The following SH2B2 variants were observed in gnomAD, a reference collection of about 807,000 sequenced individuals.
SH2B2 encodes the protein SH2B adapter protein 2.
Under a neutral mutation model 35.7 loss-of-function variants are expected in SH2B2, and 37 were observed. The observed-to-expected ratio is 1.04, with a 90% CI of 0.80 to 1.36. The LOEUF (loss-of-function observed/expected upper bound fraction) is 1.36. Ranked by LOEUF, SH2B2 falls within the 40% of genes most tolerant of loss-of-function variation. The pLI, the probability that SH2B2 is intolerant of heterozygous loss-of-function variation, is 0.00. For missense variants in SH2B2, 852 were observed against 817.7 expected, an observed-to-expected ratio of 1.04 and a Z score of -0.51; for synonymous variants, 383 against 376.4, an observed-to-expected ratio of 1.02 and a Z score of -0.20.
intron 4 of SH2B2, among the ~76,000 whole-genome samples, chr7:102,313,130 TAAA>T (rs1206179173): frequency 9.5e-5 from 9 of 94,886 alleles, no homozygotes; most frequent in Admixed American, 1.2e-4. Context: ...AAACTCTGTC[TAAA>T]AAAAAAAAAA....
At chr7:102,285,901 C>T (rs1554550775), upstream of SH2B2, among the ~76,000 whole-genome samples, 1 of 152,204 alleles carries the variant, frequency 6.6e-6, no homozygotes. Flanking sequence ...CTGCCCCCAC[C>T]GAAGCCCTCC....
At position 102,321,358 on chromosome 7, in the gene SH2B2, G is replaced by C. The variant is rs1159119292; in HGVS notation, c.1627G>C (p.Gly543Arg). Residue 543 changes from glycine to arginine, a missense_variant, in exon 9 of 9, where the codon GGC (glycine) becomes CGC (arginine). Physicochemically the swap from Gly to Arg is moderately radical, Grantham distance 125 (BLOSUM62 -2). Coordinates refer to ENST00000444095, the MANE Select transcript of SH2B2 (RefSeq NM_001359228.2). ...CCCGGCCTGCTGGAGCGACTCGCCCGGCCAGCACTACTTCTCCAGCCTCGC... is the reference window on the plus strand; with the variant it reads ...CCCGGCCTGCTGGAGCGACTCGCCCCGCCAGCACTACTTCTCCAGCCTCGC... ...ASPACWSDSP[G>R]QHYFSSLAAA... 2 of 1,437,656 alleles carry C rather than the reference G, an allele frequency of 1.4e-6. No individual in the cohort carries two copies. Among genetic ancestry groups the C allele is most frequent in the Non-Finnish European group, 1.8e-6 (2 of 1,100,560 alleles). The allele number at this position is 1,437,656 out of a possible 1,614,324, so 89.1% of individuals were successfully genotyped here. A position where few individuals can be genotyped will look rare whatever the true frequency, so the allele number is the denominator to read the frequency against.
intron 2 of SH2B2, among the ~76,000 whole-genome samples, chr7:102,305,710 G>T (rs536748516): frequency 6.6e-6 from 1 of 152,244 alleles, no homozygotes; most frequent in East Asian, 1.9e-4. Flanking sequence ...AGTGTTAAAT[G>T]TATTTCTCAC....
chr7:102,321,528 C>T lies in SH2B2; in HGVS notation c.1797C>T (p.Ala599=), dbSNP rs1284682597. The T allele has an allele frequency of 4.4e-6, 5 of 1,144,554 alleles. No homozygotes were observed. In the East Asian group the frequency reaches 1.8e-4, roughly 40 times the overall value. The allele number at this position is 1,144,554 out of a possible 1,614,324, so 70.9% of individuals were successfully genotyped here. The change falls in exon 9 of 9, where the codon GCC becomes GCT. Residue 599 remains alanine (A), a synonymous_variant. Transcript: ENST00000444095. Reference sequence around the variant, plus strand: ...GCGCGCGGAGCCGCAGCAACAGCGCCGAGCGCCTGCTGGAGGCCGTGGCCG... The same window carrying T: ...GCGCGCGGAGCCGCAGCAACAGCGCTGAGCGCCTGCTGGAGGCCGTGGCCG... The part of the protein sequence containing the change: ...QLSARSRSNS[A]ERLLEAVAAT...
intron 2 of SH2B2, among the ~76,000 whole-genome samples, chr7:102,305,257 A>T (rs1326416539): frequency 1.5e-5 from 2 of 134,904 alleles, no homozygotes; most frequent in African/African-American, 3.9e-5. Flanking sequence ...TTATTTTTTT[A>T]TTTTATTTTA....
chr7:102,321,324 G>A lies in SH2B2; in HGVS notation c.1593G>A (p.Ala531=). The change falls in exon 9 of 9, where the codon GCG becomes GCA. Residue 531 remains alanine, a synonymous_variant. Coordinates refer to ENST00000444095, the MANE Select transcript of SH2B2 (RefSeq NM_001359228.2). Reference sequence around the variant, plus strand: ...AGCCGGGCCCCACGCCCCCTGCCGCGCCCGCGTCCCCGGCCTGCTGGAGCG... The same window carrying A: ...AGCCGGGCCCCACGCCCCCTGCCGCACCCGCGTCCCCGGCCTGCTGGAGCG... ...PPEPGPTPPA[A]PASPACWSDS... 1 of 1,429,396 alleles carries A rather than the reference G, an allele frequency of 7.0e-7. No homozygotes were observed. Among genetic ancestry groups the A allele is most frequent in the Non-Finnish European group, 9.1e-7 (1 of 1,097,414 alleles). The allele number at this position is 1,429,396 out of a possible 1,614,324, so 88.5% of individuals were successfully genotyped here. A position where few individuals can be genotyped will look rare whatever the true frequency, so the allele number is the denominator to read the frequency against.
At chr7:102,308,769 C>T in intron 3 of SH2B2, 46 bp from the exon 4 acceptor site, 1 of 1,404,806 alleles carries the variant, frequency 7.1e-7, no homozygotes. Context: ...GGTCTGGAGC[C>T]CATCTGCTGA....
Position 102,321,477 on chromosome 7 carries a change from C to A in SH2B2, c.1746C>A (p.Pro582=), listed in dbSNP as rs868939422. ...CCTCTGCCGCGTCGGGGCCCGCCCC[C>A]CCGCGCCCCGTCGAGGGCCAGCTCA... ...SSSSAASGPA[P]PRPVEGQLSA... is the part of the protein sequence containing the mutation. Residue 582 remains proline, a synonymous_variant, in exon 9 of 9, where the codon CCC becomes CCA. Transcript: ENST00000444095. 2.0e-5 allele frequency: 24 copies of A among 1,186,590 alleles called. No homozygotes were observed. The highest frequency in any genetic ancestry group is 2.5e-5 in the Non-Finnish European group (24 of 956,912). 73.5% of individuals were successfully genotyped at this position (1,186,590 alleles called of 1,614,324 possible).
In SH2B2 at chr7:102,317,189, G is replaced by T; in HGVS notation, c.1189G>T (p.Glu397Ter). 3 of 1,594,964 alleles carry T rather than the reference G, an allele frequency of 1.9e-6. No individual in the cohort carries two copies. Among genetic ancestry groups the T allele is most frequent in the Non-Finnish European group, 2.6e-6 (3 of 1,169,882 alleles). Residue 397 changes from glutamate (E) to a stop codon, truncating the protein, a stop_gained and splice_region_variant, in exon 7 of 9, where the codon GAA becomes TAA. Coordinates refer to ENST00000444095, the MANE Select transcript of SH2B2 (RefSeq NM_001359228.2). LOFTEE classifies it high-confidence loss of function. The part of the protein sequence containing the change: ...GSGSDSNNTG[E>*]QGAETDPEAE... ...TCACACTGTCATCCCCACCTCAGGG[G>T]AACAGGGTGCAGAGACGGATCCCGA...
At chr7:102,286,830 G>GC (rs1358566747), upstream of SH2B2, 117,799 of 119,020 alleles carry the variant, frequency 0.99, 58,301 homozygotes, top group Non-Finnish European at 0.99. Context: ...CGGGGGCGGG[G>GC]CGGGGCCGGG....
At chr7:102,290,090 C>A (rs803094) in intron 1 of SH2B2, among the ~76,000 whole-genome samples, 13 of 150,142 alleles carry the variant, frequency 8.7e-5, no homozygotes, top group African/African-American at 2.0e-4. Context: ...CCCGCCCCCC[C>A]ACCCAGCCGC....
intron 4 of SH2B2, chr7:102,309,108 G>A (rs782707056): frequency 1.2e-5 from 8 of 674,456 alleles, no homozygotes; most frequent in Non-Finnish European, 2.2e-5. Flanking sequence ...TGTGAGGCCT[G>A]CTCTATGGGG....
At chr7:102,292,234 C>CA (rs1322505283) in intron 1 of SH2B2, among the ~76,000 whole-genome samples, 3 of 151,748 alleles carry the variant, frequency 2.0e-5, no homozygotes, top group Non-Finnish European at 4.4e-5. Context: ...ACCAAAATAT[C>CA]AAAAAATTAC....
In SH2B2 at chr7:102,301,288, C is replaced by T. The variant is rs896189854; in HGVS notation, c.729+9C>T. 1.9e-6 allele frequency: 3 copies of T among 1,598,812 alleles called. No homozygotes were observed. The highest frequency in any genetic ancestry group is 1.7e-6 in the Non-Finnish European group (2 of 1,173,530). ...TCTTCGTGCCGCCCAAAGTGAGTTA[C>T]CCCATAATCCCACCTAGCCTGGGGG... On this transcript the variant is annotated intron_variant, in intron 2 of 8. Transcript: ENST00000444095.
At chr7:102,307,248 G>T (rs552306576) in intron 3 of SH2B2, among the ~76,000 whole-genome samples, 1 of 152,324 alleles carries the variant, frequency 6.6e-6, no homozygotes, top group South Asian at 2.1e-4. Flanking sequence ...AGGCATCAAG[G>T]GGGGGCGGGG....
intron 1 of SH2B2, among the ~76,000 whole-genome samples, chr7:102,299,580 G>A (rs1447601373): frequency 6.6e-6 from 1 of 152,164 alleles, no homozygotes; most frequent in Admixed American, 6.5e-5. Flanking sequence ...GGACCATAAA[G>A]CAGCTGCTGG....
upstream of SH2B2, chr7:102,286,787 GA>G (rs559175107): frequency 0.033 from 3,608 of 110,814 alleles, 208 homozygotes; most frequent in African/African-American, 0.12. Flanking sequence ...CAGGACGCGC[GA>G]GGGGGGGCGG....
intron 4 of SH2B2, among the ~76,000 whole-genome samples, chr7:102,312,961 C>T (rs969175556): frequency 3.3e-5 from 5 of 151,518 alleles, no homozygotes; most frequent in Non-Finnish European, 7.4e-5. Flanking sequence ...GAAACCCCAT[C>T]TCTACTAAAA....
intron 1 of SH2B2, among the ~76,000 whole-genome samples, chr7:102,299,487 G>A (rs966873476): frequency 2.0e-5 from 3 of 151,948 alleles, no homozygotes; most frequent in Admixed American, 6.6e-5. Context: ...ATGCGCCACC[G>A]CACATGGCAG....
Sources: gnomAD v4.1 joint callset for allele counts (sites outside exome capture counted in the v4.1 genomes callset) on GRCh38, gnomAD v4.1.1 for gene constraint, MANE v1.5 for transcripts, NCBI Gene and HGNC (gene_info 2026-07-23, HGNC 2026-07-21) for gene names.